NRG3: variants seen among roughly 807,000 people sequenced by gnomAD.
NRG3 encodes pro-neuregulin-3, membrane-bound isoform.
NRG3 carries 31 observed loss-of-function variants against 66.9 expected under a neutral mutation model. The ratio of observed to expected loss-of-function variants is 0.46; its 90% CI spans 0.35 to 0.63. The LOEUF (loss-of-function observed/expected upper bound fraction) is 0.63, where lower values mean the gene tolerates loss of function less well. Among genes scored for constraint, NRG3 ranks in the 20% least tolerant of loss-of-function variants. The pLI, the probability that NRG3 is intolerant of heterozygous loss-of-function variation, is 0.00. For synonymous variants in NRG3, 393 were observed against 359.4 expected, an observed-to-expected ratio of 1.09 and a Z score of -1.06; for missense variants, 910 against 878.9, an observed-to-expected ratio of 1.04 and a Z score of -0.45.
At chr10:82,658,868 A>G (rs574547772) in intron 2 of NRG3, among the ~76,000 whole-genome samples, 134 of 152,174 alleles carry the variant, frequency 8.8e-4, no homozygotes, top group Non-Finnish European at 1.2e-3. Flanking sequence ...ACTTTTTTCA[A>G]TCATTTTTCA....
At chr10:82,913,406 C>T (rs945140575) in intron 4 of NRG3, among the ~76,000 whole-genome samples, 2 of 151,972 alleles carry the variant, frequency 1.3e-5, no homozygotes, top group African/African-American at 4.8e-5. Context: ...TCTCCCTTTC[C>T]CTAAGTAGGT....
intron 2 of NRG3, among the ~76,000 whole-genome samples, chr10:82,455,941 A>T (rs1165176065): frequency 1.3e-5 from 2 of 152,058 alleles, no homozygotes; most frequent in Non-Finnish European, 2.9e-5. Context: ...CTTATTTTTT[A>T]AATTTTATCT....
intron 1 of NRG3, among the ~76,000 whole-genome samples, chr10:82,071,001 G>T (rs1040521866): frequency 7.2e-5 from 11 of 152,128 alleles, no homozygotes; most frequent in Admixed American, 6.6e-4. Flanking sequence ...ATTTATAATG[G>T]TGAAATATCT....
chr10:81,963,212 CA>C (rs1376535851), intron 1 of NRG3, among the ~76,000 whole-genome samples: 1 of 138,724 alleles, frequency 7.2e-6, no homozygotes, highest in East Asian at 2.3e-4. Flanking sequence ...CGGCTCACTG[CA>C]AGCTCCGCCT....
At chr10:82,686,324 ATTAT>A (rs1028747141) in intron 2 of NRG3, among the ~76,000 whole-genome samples, 4 of 151,756 alleles carry the variant, frequency 2.6e-5, no homozygotes, top group Non-Finnish European at 4.4e-5. Flanking sequence ...AGTAGCTGGA[ATTAT>A]AGGCGCCCAC....
chr10:82,020,723 C>T (rs2062020717), intron 1 of NRG3, among the ~76,000 whole-genome samples: 1 of 152,050 alleles, frequency 6.6e-6, no homozygotes, highest in African/African-American at 2.4e-5. Context: ...GCCATTCAAC[C>T]CCTCATTGCT....
intron 2 of NRG3, among the ~76,000 whole-genome samples, chr10:82,584,979 T>C (rs370024460): frequency 4.0e-5 from 6 of 149,890 alleles, no homozygotes; most frequent in Non-Finnish European, 5.9e-5. Flanking sequence ...GTTGTTGCTG[T>C]TGTTGTTGTT....
intron 2 of NRG3, among the ~76,000 whole-genome samples, chr10:82,405,456 T>C (rs2087440233): frequency 6.7e-6 from 1 of 148,554 alleles, no homozygotes; most frequent in East Asian, 2.0e-4. Flanking sequence ...TCTCAGTAGT[T>C]TGTTTTTTTT....
chr10:82,184,891 C>A (rs1397337267), intron 1 of NRG3, among the ~76,000 whole-genome samples: 1 of 152,112 alleles, frequency 6.6e-6, no homozygotes, highest in African/African-American at 2.4e-5. Flanking sequence ...TCCCTGTGAG[C>A]CGGTAAACAT....
At chr10:82,864,762 G>A (rs1270961375) in intron 3 of NRG3, among the ~76,000 whole-genome samples, 4 of 152,238 alleles carry the variant, frequency 2.6e-5, no homozygotes, top group Admixed American at 2.0e-4. Flanking sequence ...TTGGTAGGAT[G>A]GGCTGTCAAT....
chr10:82,522,020 G>C (rs1186299106), intron 2 of NRG3, among the ~76,000 whole-genome samples: 1 of 146,408 alleles, frequency 6.8e-6, no homozygotes, highest in Non-Finnish European at 1.5e-5. Context: ...CATATCTGCA[G>C]TTACTTTTCC....
At chr10:82,529,530 T>G (rs1198781595) in intron 2 of NRG3, among the ~76,000 whole-genome samples, 1 of 152,364 alleles carries the variant, frequency 6.6e-6, no homozygotes, top group East Asian at 1.9e-4. Context: ...GTTTGTTGTT[T>G]GGCAATGCTT....
intron 1 of NRG3, among the ~76,000 whole-genome samples, chr10:82,174,739 C>A (rs1184521452): frequency 1.3e-5 from 2 of 152,058 alleles, no homozygotes; most frequent in African/African-American, 2.4e-5. Flanking sequence ...CAACCCCTGG[C>A]TCACTCTGTT....
chr10:82,867,061 T>C (rs996470790), intron 4 of NRG3, among the ~76,000 whole-genome samples: 3 of 152,136 alleles, frequency 2.0e-5, no homozygotes, highest in South Asian at 2.1e-4. Flanking sequence ...AGGAAGAGTA[T>C]AGTTAAGGGT....
At chr10:82,849,193 A>G (rs1359855766) in intron 3 of NRG3, among the ~76,000 whole-genome samples, 2 of 152,180 alleles carry the variant, frequency 1.3e-5, no homozygotes, top group African/African-American at 4.8e-5. Flanking sequence ...CCATGTAAAG[A>G]TGAAGGGAGA....
intron 1 of NRG3, among the ~76,000 whole-genome samples, chr10:82,315,660 G>A (rs1424690504): frequency 2.1e-5 from 3 of 145,752 alleles, no homozygotes; most frequent in Non-Finnish European, 4.4e-5. Context: ...AATCATATAC[G>A]TTTGTTGTTT....
intron 1 of NRG3, among the ~76,000 whole-genome samples, chr10:82,079,589 T>G (rs2133395136): frequency 6.6e-6 from 1 of 152,298 alleles, no homozygotes; most frequent in Non-Finnish European, 1.5e-5. Flanking sequence ...CAGAATAGTT[T>G]CATTGCCGTA....
intron 2 of NRG3, among the ~76,000 whole-genome samples, chr10:82,530,876 G>A (rs114957390): frequency 6.6e-6 from 1 of 151,702 alleles, no homozygotes; most frequent in Non-Finnish European, 1.5e-5. Flanking sequence ...ATTTGAGAAG[G>A]CCTAGAGTTT....
chr10:82,788,876 T>C (rs2060474810), intron 3 of NRG3, among the ~76,000 whole-genome samples: 3 of 152,152 alleles, frequency 2.0e-5, no homozygotes, highest in Admixed American at 1.3e-4. Context: ...TCATATTACA[T>C]ATTATTCTTT....
Sources: allele counts gnomAD v4.1 joint callset (sites outside exome capture counted in the v4.1 genomes callset), GRCh38; gene constraint gnomAD v4.1.1; transcripts MANE v1.5; gene names NCBI Gene and HGNC (gene_info 2026-07-23, HGNC 2026-07-21).